EPB41L5: variants seen among roughly 807,000 people sequenced by gnomAD.
EPB41L5 encodes the protein band 4.1-like protein 5.
A neutral mutation model predicts 106.6 loss-of-function variants in EPB41L5; 55 were observed. That is an observed-to-expected ratio of 0.52 (90% confidence interval 0.42 to 0.65). The LOEUF is 0.65. EPB41L5 is among the 30% of genes least tolerant of loss of function. EPB41L5 has a pLI of 0.00. For missense variants in EPB41L5, 871 were observed against 882.1 expected, an observed-to-expected ratio of 0.99 and a Z score of 0.16; for synonymous variants, 297 against 306.7, an observed-to-expected ratio of 0.97 and a Z score of 0.33.
In EPB41L5 at chr2:120,167,463, C is replaced by T; in HGVS notation, c.1963-3C>T. 3 of 1,611,772 alleles carry T rather than the reference C, an allele frequency of 1.9e-6. No homozygotes were observed. Among genetic ancestry groups the T allele is most frequent in the Non-Finnish European group, 2.5e-6 (3 of 1,178,014 alleles). On this transcript the variant is annotated splice_region_variant and splice_polypyrimidine_tract_variant and intron_variant, in intron 22 of 24. Coordinates refer to ENST00000263713, the MANE Select transcript of EPB41L5 (RefSeq NM_020909.4). Reference sequence around the variant, plus strand: ...TAAATACATACATATAAAATTATTTCAGGTGTCTTCCACATCCATGATCAC... The same window carrying T: ...TAAATACATACATATAAAATTATTTTAGGTGTCTTCCACATCCATGATCAC...
intron 16 of EPB41L5, among the ~76,000 whole-genome samples, chr2:120,118,431 G>C (rs766221470): frequency 6.6e-6 from 1 of 152,134 alleles, no homozygotes; most frequent in Non-Finnish European, 1.5e-5. Flanking sequence ...GTGTGCCATG[G>C]TGTTTTGCTG....
At chr2:120,071,062 A>G (rs544002055) in intron 3 of EPB41L5, among the ~76,000 whole-genome samples, 1 of 152,338 alleles carries the variant, frequency 6.6e-6, no homozygotes, top group East Asian at 1.9e-4. Context: ...CTGTTTGCAG[A>G]TGACATGATT....
rs367888760 is a variant in EPB41L5, at chr2:120,090,306, G to C, written c.874-41G>C. 6.0e-6 allele frequency: 9 copies of C among 1,508,630 alleles called. No individual in the cohort carries two copies. In the African/African-American group the frequency reaches 1.1e-4, roughly 19 times the overall value. The allele number at this position is 1,508,630 out of a possible 1,614,324, so 93.5% of individuals were successfully genotyped here. A position where few individuals can be genotyped will look rare whatever the true frequency, so the allele number is the denominator to read the frequency against. On this transcript the variant is annotated intron_variant, in intron 11 of 24. Transcript: ENST00000263713. Reference sequence around the variant, plus strand: ...TCAGAAATAGGAGATAGGACTGTTTGAATTAGTAATCATCCTTTTATATAT... The same window carrying C: ...TCAGAAATAGGAGATAGGACTGTTTCAATTAGTAATCATCCTTTTATATAT...
rs2104529546 is a variant in EPB41L5, at chr2:120,178,833, A to G, written c.*3926A>G. 1 of 152,268 alleles carries G rather than the reference A, an allele frequency of 6.6e-6. No individual in the cohort carries two copies. The highest frequency in any genetic ancestry group is 2.4e-5 in the African/African-American group (1 of 41,546). The allele number at this position is 152,268 out of a possible 1,614,324, so 9.4% of individuals were successfully genotyped here. Reference sequence around the variant, plus strand: ...ACTTGTCAGGATTTCTCCTCTTCAGAGAGATTTTTTTTTATAGCACAGATT... The same window carrying G: ...ACTTGTCAGGATTTCTCCTCTTCAGGGAGATTTTTTTTTATAGCACAGATT... On this transcript the variant is annotated 3_prime_UTR_variant, in exon 25 of 25. Coordinates refer to ENST00000263713, the MANE Select transcript of EPB41L5 (RefSeq NM_020909.4).
chr2:120,048,668 C>A (rs985648285), intron 3 of EPB41L5, among the ~76,000 whole-genome samples: 14 of 151,794 alleles, frequency 9.2e-5, no homozygotes, highest in Non-Finnish European at 1.6e-4. Context: ...CTGCTCTGAT[C>A]TTAGTTATTT....
chr2:120,076,892 T>C (rs1300504568), intron 7 of EPB41L5, 79 bp from the exon 8 acceptor site: 1 of 1,281,740 alleles, frequency 7.8e-7, no homozygotes, highest in African/African-American at 1.5e-5. Flanking sequence ...CTTTCTAATC[T>C]TAGCAGTTTT....
At position 120,146,211 on chromosome 2, in the gene EPB41L5, T is replaced by G. The variant is rs780408068; in HGVS notation, c.1729-14T>G. 2 of 1,514,040 alleles carry G rather than the reference T, an allele frequency of 1.3e-6. No homozygotes were observed. Among genetic ancestry groups the G allele is most frequent in the Non-Finnish European group, 9.1e-7 (1 of 1,094,220 alleles). 93.8% of individuals were successfully genotyped at this position (1,514,040 alleles called of 1,614,324 possible). A position where few individuals can be genotyped will look rare whatever the true frequency, so the allele number is the denominator to read the frequency against. The stretch of plus-strand genomic sequence containing the variant: ...CAATAAAGATTTACTTTTTTTAATA[T>G]TTCATTTTCTTAGGTTACAAAAGAA... On this transcript the variant is annotated splice_polypyrimidine_tract_variant and intron_variant, in intron 19 of 24. Coordinates refer to ENST00000263713, the MANE Select transcript of EPB41L5 (RefSeq NM_020909.4).
chr2:120,096,383 G>C (rs1362038981), intron 14 of EPB41L5, among the ~76,000 whole-genome samples: 1 of 152,150 alleles, frequency 6.6e-6, no homozygotes, highest in African/African-American at 2.4e-5. Context: ...TGAAATTTCT[G>C]TGAAACTCTC....
At chr2:120,051,521 G>T (rs1262364384) in intron 3 of EPB41L5, among the ~76,000 whole-genome samples, 1 of 152,220 alleles carries the variant, frequency 6.6e-6, no homozygotes, top group Non-Finnish European at 1.5e-5. Context: ...GTATTAGGTT[G>T]AGAGTTATCT....
At chr2:120,151,997 C>G (rs1433097724) in intron 20 of EPB41L5, among the ~76,000 whole-genome samples, 1 of 152,106 alleles carries the variant, frequency 6.6e-6, no homozygotes, top group East Asian at 1.9e-4. Flanking sequence ...TTCCTTATTT[C>G]CAGTTGGGAA....
At chr2:120,148,740 T>A (rs895399964) in intron 20 of EPB41L5, among the ~76,000 whole-genome samples, 4 of 152,230 alleles carry the variant, frequency 2.6e-5, no homozygotes, top group African/African-American at 4.8e-5. Flanking sequence ...ATACAACATT[T>A]ATTTATCCAT....
intron 3 of EPB41L5, among the ~76,000 whole-genome samples, chr2:120,057,455 G>A (rs1321035976): frequency 2.0e-5 from 3 of 152,194 alleles, no homozygotes; most frequent in Admixed American, 6.5e-5. Flanking sequence ...TACACATAAC[G>A]TTTTGTCTGT....
chr2:120,159,117 C>G (rs1192801060), intron 20 of EPB41L5, among the ~76,000 whole-genome samples: 3 of 152,074 alleles, frequency 2.0e-5, no homozygotes, highest in African/African-American at 7.2e-5. Context: ...GAAAAACATT[C>G]CATGCCCATG....
intron 2 of EPB41L5, among the ~76,000 whole-genome samples, chr2:120,034,160 C>T (rs980242133): frequency 1.3e-5 from 2 of 152,150 alleles, no homozygotes. Context: ...TATTGGTTGT[C>T]TTAGAACTAG....
At chr2:120,045,781 C>A (rs924748105) in intron 3 of EPB41L5, among the ~76,000 whole-genome samples, 1 of 152,078 alleles carries the variant, frequency 6.6e-6, no homozygotes, top group African/African-American at 2.4e-5. Flanking sequence ...TTGTCATTTA[C>A]ATTAGGTATA....
Position 120,093,285 on chromosome 2 carries a change from T to G in EPB41L5, c.1178+9T>G, listed in dbSNP as rs574906851. 2 of 1,612,220 alleles carry G rather than the reference T, an allele frequency of 1.2e-6. No homozygotes were observed. Among genetic ancestry groups the G allele is most frequent in the Admixed American group, 3.3e-5 (2 of 60,022 alleles). ...AAACCTGAAGAACTTAGGTAAGTAA[T>G]GTTTTGCAACTTAGGAATTGGTATA... On this transcript the variant is annotated intron_variant, in intron 14 of 24. Transcript: ENST00000263713.
At chr2:120,046,118 C>T (rs138978751) in intron 3 of EPB41L5, among the ~76,000 whole-genome samples, 4 of 152,098 alleles carry the variant, frequency 2.6e-5, no homozygotes, top group African/African-American at 7.2e-5. Flanking sequence ...AGTAAACATA[C>T]GTGTGCATGT....
intron 20 of EPB41L5, among the ~76,000 whole-genome samples, chr2:120,151,306 T>A (rs11123546): frequency 0.64 from 96,320 of 151,536 alleles, 31,906 homozygotes; most frequent in Middle Eastern, 0.74. Context: ...TCTCAAAAAA[T>A]AATAATAATA....
At chr2:120,149,483 A>G (rs1686572277) in intron 20 of EPB41L5, among the ~76,000 whole-genome samples, 1 of 152,182 alleles carries the variant, frequency 6.6e-6, no homozygotes, top group African/African-American at 2.4e-5. Context: ...ATACTCTGTA[A>G]TATGAGGTCT....
Sources: gnomAD v4.1 joint callset for allele counts (sites outside exome capture counted in the v4.1 genomes callset) on GRCh38, gnomAD v4.1.1 for gene constraint, MANE v1.5 for transcripts, NCBI Gene and HGNC (gene_info 2026-07-23, HGNC 2026-07-21) for gene names.